The following XKR9 variants were observed in gnomAD, a reference collection of about 807,000 sequenced individuals.
XKR9 encodes XK related 9.
In XKR9, 32 loss-of-function variants were observed where a neutral mutation model predicts 32.0. The observed-to-expected ratio is 1.00, with a 90% CI of 0.76 to 1.34. XKR9 has a LOEUF of 1.34. XKR9 is among the 40% of genes most tolerant of loss of function. The pLI, the probability that XKR9 is intolerant of heterozygous loss-of-function variation, is 0.00. For missense variants in XKR9, 546 were observed against 429.7 expected (o/e 1.27, Z -2.39); for synonymous variants, 168 against 143.4 (o/e 1.17, Z -1.22).
the XKR9 span, among the ~76,000 whole-genome samples, chr8:70,935,288 A>G: frequency 6.6e-6 from 1 of 151,188 alleles, no homozygotes; most frequent in Non-Finnish European, 1.5e-5. Flanking sequence ...ATGTATTTTG[A>G]GTTTTACTTA....
At chr8:70,891,123 G>A in the XKR9 span, among the ~76,000 whole-genome samples, 3 of 151,510 alleles carry the variant, frequency 2.0e-5, no homozygotes, top group Non-Finnish European at 4.4e-5. Flanking sequence ...TGTATTTCTG[G>A]CATTAGTTTT....
At chr8:71,039,669 G>C in the XKR9 span, among the ~76,000 whole-genome samples, 1 of 152,238 alleles carries the variant, frequency 6.6e-6, no homozygotes, top group African/African-American at 2.4e-5. Context: ...GTAGAGTGTT[G>C]CCAAAGAACT....
intron 2 of XKR9, among the ~76,000 whole-genome samples, chr8:70,676,932 A>G (rs948054057): frequency 1.3e-5 from 2 of 152,186 alleles, no homozygotes; most frequent in African/African-American, 4.8e-5. Context: ...TTATGGGTAG[A>G]GAGATTAAGA....
At chr8:70,827,484 G>T in the XKR9 span, among the ~76,000 whole-genome samples, 1 of 152,098 alleles carries the variant, frequency 6.6e-6, no homozygotes, top group African/African-American at 2.4e-5. Flanking sequence ...ATGGTAATTA[G>T]AAGAAGAAGA....
the XKR9 span, among the ~76,000 whole-genome samples, chr8:70,880,213 C>T: frequency 6.6e-6 from 1 of 152,134 alleles, no homozygotes; most frequent in Non-Finnish European, 1.5e-5. Flanking sequence ...AAAACCGGCA[C>T]AAGACAGGGA....
chr8:70,876,275 G>A, the XKR9 span, among the ~76,000 whole-genome samples: 40 of 148,186 alleles, frequency 2.7e-4, no homozygotes, highest in Admixed American at 1.8e-3. Flanking sequence ...AGGCTGGAGG[G>A]CAGTGGTGTG....
At chr8:70,902,999 C>T in the XKR9 span, among the ~76,000 whole-genome samples, 1 of 152,138 alleles carries the variant, frequency 6.6e-6, no homozygotes, top group Non-Finnish European at 1.5e-5. Context: ...CCAACTTGAT[C>T]ATGTTTGATA....
the XKR9 span, among the ~76,000 whole-genome samples, chr8:70,933,900 A>G: frequency 6.6e-6 from 1 of 152,058 alleles, no homozygotes; most frequent in African/African-American, 2.4e-5. Context: ...GTTCTAAGCA[A>G]CATACTTACC....
chr8:70,768,050 G>A (rs987669296), intron 2 of XKR9, among the ~76,000 whole-genome samples: 1 of 152,176 alleles, frequency 6.6e-6, no homozygotes, highest in Non-Finnish European at 1.5e-5. Context: ...GCTTTCTGAT[G>A]TGAGCATTGT....
downstream of XKR9, among the ~76,000 whole-genome samples, chr8:70,795,122 C>G (rs1807812001): frequency 6.6e-6 from 1 of 151,920 alleles, no homozygotes; most frequent in African/African-American, 2.4e-5. Flanking sequence ...TGATCCTCTC[C>G]CTCCTCCCAC....
chr8:70,773,523 T>C (rs112062962), intron 2 of XKR9, among the ~76,000 whole-genome samples: 7 of 152,306 alleles, frequency 4.6e-5, no homozygotes, highest in African/African-American at 1.7e-4. Flanking sequence ...CCTCAACATG[T>C]ACATTTTGGG....
chr8:70,770,764 C>T (rs992535490), intron 2 of XKR9, among the ~76,000 whole-genome samples: 1 of 152,290 alleles, frequency 6.6e-6, no homozygotes. Flanking sequence ...ACCCCTCCCC[C>T]CACCAACCTG....
chr8:70,743,439 C>T, intron 2 of XKR9, among the ~76,000 whole-genome samples: 1 of 152,110 alleles, frequency 6.6e-6, no homozygotes, highest in Non-Finnish European at 1.5e-5. Flanking sequence ...TTCACGTTTG[C>T]TCATATGGCT....
chr8:70,959,983 A>G, the XKR9 span, among the ~76,000 whole-genome samples: 1 of 152,186 alleles, frequency 6.6e-6, no homozygotes, highest in Non-Finnish European at 1.5e-5. Context: ...TAATCCCACC[A>G]CTTTGGGAGG....
chr8:70,811,184 A>G, the XKR9 span, among the ~76,000 whole-genome samples: 1 of 152,196 alleles, frequency 6.6e-6, no homozygotes, highest in Non-Finnish European at 1.5e-5. Flanking sequence ...CTGCTCCTGA[A>G]TGACTACTGG....
At chr8:71,045,754 C>T in the XKR9 span, among the ~76,000 whole-genome samples, 3 of 152,160 alleles carry the variant, frequency 2.0e-5, no homozygotes, top group Non-Finnish European at 4.4e-5. Flanking sequence ...ACATGATGAA[C>T]GCTTGAGACT....
the XKR9 span, among the ~76,000 whole-genome samples, chr8:70,942,195 C>T: frequency 6.6e-6 from 1 of 152,126 alleles, no homozygotes; most frequent in African/African-American, 2.4e-5. Context: ...CTTGCTCTAA[C>T]AGTGGGAGCA....
chr8:70,769,492 A>G (rs922015087), intron 2 of XKR9, among the ~76,000 whole-genome samples: 2 of 152,066 alleles, frequency 1.3e-5, no homozygotes, highest in African/African-American at 4.8e-5. Flanking sequence ...CTGGCTTGCT[A>G]GATTGGGGAA....
At chr8:70,731,200 C>T (rs1376099158) in intron 4 of XKR9, among the ~76,000 whole-genome samples, 1 of 152,096 alleles carries the variant, frequency 6.6e-6, no homozygotes, top group Non-Finnish European at 1.5e-5. Flanking sequence ...TTCACAAATC[C>T]TTTTTTCTAT....
Sources: gnomAD v4.1 joint callset for allele counts (sites outside exome capture counted in the v4.1 genomes callset) on GRCh38, gnomAD v4.1.1 for gene constraint, MANE v1.5 for transcripts, NCBI Gene and HGNC (gene_info 2026-07-23, HGNC 2026-07-21) for gene names.